The following NRG2 variants were observed in gnomAD, a reference collection of about 807,000 sequenced individuals.
The protein encoded by NRG2 is neuregulin 2, also known as pro-neuregulin-2, membrane-bound isoform.
Under a neutral mutation model 73.9 loss-of-function variants are expected in NRG2, and 27 were observed. That is an observed-to-expected ratio of 0.37 (90% CI 0.27 to 0.50). The LOEUF is 0.50. Among genes scored for constraint, NRG2 ranks in the 20% least tolerant of loss-of-function variants. The probability of loss-of-function intolerance (pLI) is 0.96; values close to 1 mark genes in which losing one functional copy is unlikely to be tolerated. For synonymous variants in NRG2, 532 were observed against 541.0 expected (o/e 0.98, Z 0.23); for missense variants, 1,126 against 1,210.1 (o/e 0.93, Z 1.03).
intron 1 of NRG2, among the ~76,000 whole-genome samples, chr5:139,924,797 C>G (rs1459688985): frequency 6.6e-6 from 1 of 152,192 alleles, no homozygotes; most frequent in Non-Finnish European, 1.5e-5. Flanking sequence ...CCTCCCTTTC[C>G]GGGGCCTCGC....
chr5:140,037,809 G>A (rs1296848451), intron 1 of NRG2, among the ~76,000 whole-genome samples: 1 of 151,382 alleles, frequency 6.6e-6, no homozygotes, highest in Admixed American at 6.6e-5. Flanking sequence ...TCAGGAGGCT[G>A]AGGCAGGAGA....
chr5:139,890,401 G>C (rs531083967), intron 1 of NRG2, among the ~76,000 whole-genome samples: 7 of 150,032 alleles, frequency 4.7e-5, no homozygotes, highest in African/African-American at 1.7e-4. Flanking sequence ...TTTCCCCTCA[G>C]TTACCTGCTT....
At chr5:139,969,567 G>C (rs1220692384) in intron 1 of NRG2, among the ~76,000 whole-genome samples, 4 of 152,224 alleles carry the variant, frequency 2.6e-5, no homozygotes, top group African/African-American at 9.6e-5. Flanking sequence ...AGGGATCTTA[G>C]TGTCTCCTGC....
intron 1 of NRG2, among the ~76,000 whole-genome samples, chr5:139,892,729 T>C (rs867740654): frequency 6.6e-6 from 1 of 152,144 alleles, no homozygotes; most frequent in South Asian, 2.1e-4. Context: ...ATGCATGGGA[T>C]CTGTCAGGGA....
At chr5:139,885,668 C>T (rs1198814708) in intron 2 of NRG2, among the ~76,000 whole-genome samples, 2 of 151,730 alleles carry the variant, frequency 1.3e-5, no homozygotes, top group African/African-American at 4.8e-5. Flanking sequence ...GCTGAAGTTA[C>T]CAGAGAAAGG....
chr5:139,930,126 C>T (rs928094251), intron 1 of NRG2, among the ~76,000 whole-genome samples: 2 of 152,160 alleles, frequency 1.3e-5, no homozygotes, highest in African/African-American at 2.4e-5. Flanking sequence ...TTGCTTTTTC[C>T]TAAGTTTCTC....
intron 1 of NRG2, among the ~76,000 whole-genome samples, chr5:139,907,031 G>A (rs942556275): frequency 1.3e-5 from 2 of 152,112 alleles, no homozygotes; most frequent in Non-Finnish European, 2.9e-5. Context: ...ATGGGATGTG[G>A]GTATATGAGT....
At position 139,905,687 on chromosome 5, in the gene NRG2, G is replaced by C. The variant is rs375397684; in HGVS notation, c.701-18176C>G. ...CTCATCAGGGGCCAGCTCTGGTGGG[G>C]GGGGGGCAGGTGTAAGAGACAACCC... On this transcript the variant is annotated intron_variant, in intron 1 of 9. Transcript: ENST00000361474. Among the ~76,000 whole-genome samples, 214 of 152,140 alleles carry C rather than the reference G, an allele frequency of 1.4e-3. 4 individuals are homozygous for C. In the South Asian group the frequency reaches 0.041, roughly 29 times the overall value.
In NRG2 at chr5:139,967,744, C is replaced by T. The variant is rs560812132; in HGVS notation, c.700+74626G>A. On this transcript the variant is annotated intron_variant, in intron 1 of 9. Coordinates refer to ENST00000361474, the MANE Select transcript of NRG2 (RefSeq NM_004883.3). ...ATCCTAGCACTCTGGGAGGCCGAGG[C>T]GGGTGGGAGATCGAGACCATTCTGG... Among the ~76,000 whole-genome samples, 12 of 152,058 alleles carry T rather than the reference C, an allele frequency of 7.9e-5. No individual in the cohort carries two copies. The East Asian group carries it at 9.7e-4, about 12-fold the overall frequency.
chr5:139,906,983 C>A (rs1458879522), intron 1 of NRG2, among the ~76,000 whole-genome samples: 1 of 151,888 alleles, frequency 6.6e-6, no homozygotes, highest in East Asian at 1.9e-4. Flanking sequence ...ATGCTGAGGG[C>A]TGTGTGTGTG....
intron 1 of NRG2, among the ~76,000 whole-genome samples, chr5:139,956,777 A>G (rs1754657055): frequency 6.6e-6 from 1 of 152,232 alleles, no homozygotes; most frequent in Admixed American, 6.5e-5. Flanking sequence ...TCAGAAAGAA[A>G]TGGAAAGGCA....
chr5:139,886,887 C>G (rs1763907065), intron 2 of NRG2, among the ~76,000 whole-genome samples: 1 of 152,232 alleles, frequency 6.6e-6, no homozygotes, highest in African/African-American at 2.4e-5. Flanking sequence ...TTACCTAGCT[C>G]TCTGACAACT....
intron 1 of NRG2, among the ~76,000 whole-genome samples, chr5:139,937,249 G>T (rs1692494547): frequency 6.6e-6 from 1 of 152,224 alleles, no homozygotes; most frequent in Admixed American, 6.5e-5. Flanking sequence ...CTTCATAGGT[G>T]TAGAAATGCA....
chr5:139,848,046 G>C lies in NRG2; in HGVS notation c.2424C>G (p.Asp808Glu). The C allele has an allele frequency of 1.3e-6, 2 of 1,506,668 alleles. No homozygotes were observed. Among genetic ancestry groups the C allele is most frequent in the South Asian group, 2.5e-5 (2 of 80,534 alleles). The allele number at this position is 1,506,668 out of a possible 1,614,324, so 93.3% of individuals were successfully genotyped here. A position where few individuals can be genotyped will look rare whatever the true frequency, so the allele number is the denominator to read the frequency against. ...LRGAHDALRS[D>E]SPPLCPAADS... ...CGGCCGCCGGGCACAGTGGCGGCGA[G>C]TCCGAGCGCAGCGCGTCGTGCGCCC... Residue 808 changes from aspartate (D) to glutamate (E), a missense_variant, in exon 10 of 10, where the codon GAC becomes GAG. Around this residue, in one of 3 missense-constraint regions of NRG2, gnomAD observed 402 missense variants for 357.8 expected, o/e 1.12. Transcript: ENST00000361474.
At chr5:139,947,565 C>G (rs1753890212) in intron 1 of NRG2, among the ~76,000 whole-genome samples, 1 of 152,182 alleles carries the variant, frequency 6.6e-6, no homozygotes, top group Admixed American at 6.5e-5. Flanking sequence ...TTTGTAAAGA[C>G]ATACGTTTTC....
chr5:139,863,024 GC>G (rs1423137512), intron 5 of NRG2, among the ~76,000 whole-genome samples: 4 of 152,194 alleles, frequency 2.6e-5, no homozygotes, highest in Non-Finnish European at 5.9e-5. Context: ...ATGCTGCCCT[GC>G]CCCCGCATAC....
At chr5:139,860,605 A>C (rs12517577) in intron 5 of NRG2, among the ~76,000 whole-genome samples, 14,433 of 152,182 alleles carry the variant, frequency 0.095, 721 homozygotes, top group Middle Eastern at 0.13. Flanking sequence ...ATGGTGCCTG[A>C]GCCTGATTTC....
At chr5:139,938,185 A>G (rs1035325890) in intron 1 of NRG2, among the ~76,000 whole-genome samples, 2 of 152,250 alleles carry the variant, frequency 1.3e-5, no homozygotes, top group Non-Finnish European at 2.9e-5. Context: ...CTAAGCTGTA[A>G]CTTTTCTCTA....
chr5:139,976,576 C>A (rs763560970), intron 1 of NRG2, among the ~76,000 whole-genome samples: 18 of 152,212 alleles, frequency 1.2e-4, no homozygotes, highest in South Asian at 2.1e-4. Flanking sequence ...AATTTTCCCA[C>A]TGGTAGCCCC....
Sources: gnomAD v4.1 joint callset for allele counts (sites outside exome capture counted in the v4.1 genomes callset) on GRCh38, gnomAD v4.1.1 for gene constraint, gnomAD v4.1.1 regional missense constraint, MANE v1.5 for transcripts, NCBI Gene and HGNC (gene_info 2026-07-23, HGNC 2026-07-21) for gene names.